Variants in PARD3B observed in about 807,000 individuals in gnomAD.
The protein encoded by PARD3B is par-3 family cell polarity regulator beta.
A neutral mutation model predicts 130.2 loss-of-function variants in PARD3B; 103 were observed. The ratio of observed to expected loss-of-function variants is 0.79; its 90% CI spans 0.67 to 0.93. PARD3B has a LOEUF of 0.93. PARD3B is among the 40% of genes least tolerant of loss of function. The pLI is 0.00. For missense variants in PARD3B, 1,609 were observed against 1,499.2 expected, an observed-to-expected ratio of 1.07 and a Z score of -1.21; for synonymous variants, 583 against 553.2, an observed-to-expected ratio of 1.05 and a Z score of -0.76.
intron 19 of PARD3B, among the ~76,000 whole-genome samples, chr2:205,439,262 T>C (rs1378856549): frequency 6.6e-6 from 1 of 152,132 alleles, no homozygotes; most frequent in Non-Finnish European, 1.5e-5. Context: ...CCCACAGCCC[T>C]CTTATATTCT....
intron 1 of PARD3B, among the ~76,000 whole-genome samples, chr2:204,657,069 T>A (rs2035661936): frequency 6.6e-6 from 1 of 152,174 alleles, no homozygotes; most frequent in Admixed American, 6.5e-5. Context: ...TATTAGACTT[T>A]GAAGAGTTCT....
intron 3 of PARD3B, among the ~76,000 whole-genome samples, chr2:204,985,821 C>T (rs2125224683): frequency 6.6e-6 from 1 of 152,242 alleles, no homozygotes; most frequent in African/African-American, 2.4e-5. Context: ...AAAGGCTTAG[C>T]TAGGCGTGGT....
chr2:205,603,652 T>G (rs1469369158), intron 22 of PARD3B, among the ~76,000 whole-genome samples: 2 of 152,216 alleles, frequency 1.3e-5, no homozygotes, highest in Non-Finnish European at 2.9e-5. Flanking sequence ...GTCTGTTTTG[T>G]CAGAAACCAG....
intron 18 of PARD3B, among the ~76,000 whole-genome samples, chr2:205,372,348 A>G (rs2044855588): frequency 6.6e-6 from 1 of 152,140 alleles, no homozygotes; most frequent in African/African-American, 2.4e-5. Context: ...TATTATAGCA[A>G]TCTTAGTAGT....
intron 20 of PARD3B, among the ~76,000 whole-genome samples, chr2:205,486,931 A>G (rs565470173): frequency 6.6e-6 from 1 of 152,332 alleles, no homozygotes; most frequent in Non-Finnish European, 1.5e-5. Flanking sequence ...CGTAAAAGGA[A>G]TGAAAAGAAT....
chr2:205,170,482 C>T (rs1258222275), intron 11 of PARD3B, among the ~76,000 whole-genome samples: 4 of 152,160 alleles, frequency 2.6e-5, no homozygotes, highest in Non-Finnish European at 4.4e-5. Context: ...TCCCATTACC[C>T]TGCCATCTCC....
At chr2:204,577,055 G>T (rs1287616452) in intron 1 of PARD3B, among the ~76,000 whole-genome samples, 1 of 151,958 alleles carries the variant, frequency 6.6e-6, no homozygotes, top group Non-Finnish European at 1.5e-5. Context: ...GGGATAGTTG[G>T]GTTTCGTAAA....
At chr2:205,479,423 A>G (rs756263376) in intron 20 of PARD3B, among the ~76,000 whole-genome samples, 1 of 152,226 alleles carries the variant, frequency 6.6e-6, no homozygotes, top group Admixed American at 6.5e-5. Context: ...GGACTAGACA[A>G]AGACTCAAAA....
At chr2:204,825,293 G>A (rs978510215) in intron 2 of PARD3B, among the ~76,000 whole-genome samples, 1 of 152,178 alleles carries the variant, frequency 6.6e-6, no homozygotes, top group African/African-American at 2.4e-5. Context: ...CCCAGGGAGA[G>A]TTCAGGATCT....
At chr2:205,430,377 A>C (rs937096068) in intron 19 of PARD3B, among the ~76,000 whole-genome samples, 6 of 152,184 alleles carry the variant, frequency 3.9e-5, no homozygotes, top group African/African-American at 1.4e-4. Context: ...AAAATGTTGA[A>C]TCTAACTAAG....
chr2:205,246,636 G>C (rs546609308), intron 16 of PARD3B, among the ~76,000 whole-genome samples: 1 of 152,060 alleles, frequency 6.6e-6, no homozygotes, highest in East Asian at 1.9e-4. Flanking sequence ...TCCCTCCATT[G>C]GTGAAACAAA....
At chr2:204,553,660 A>G (rs987560166) in intron 1 of PARD3B, among the ~76,000 whole-genome samples, 4 of 11,892 alleles carry the variant, frequency 3.4e-4, no homozygotes, top group African/African-American at 4.4e-4. Context: ...CCATATATAT[A>G]TATATATATA....
intron 19 of PARD3B, among the ~76,000 whole-genome samples, chr2:205,422,371 A>C (rs1378454714): frequency 6.6e-6 from 1 of 152,200 alleles, no homozygotes; most frequent in Admixed American, 6.5e-5. Context: ...AAAGGAAGAC[A>C]TGAAAGTGTT....
intron 18 of PARD3B, among the ~76,000 whole-genome samples, chr2:205,377,837 C>A (rs1212015945): frequency 7.2e-6 from 1 of 139,076 alleles, no homozygotes; most frequent in Non-Finnish European, 1.5e-5. Flanking sequence ...ATGGTGAGGT[C>A]TTGGCTCACT....
chr2:205,346,387 C>G (rs1004098776), intron 18 of PARD3B, among the ~76,000 whole-genome samples: 1 of 151,754 alleles, frequency 6.6e-6, no homozygotes, highest in Non-Finnish European at 1.5e-5. Context: ...AGCTGAGGCT[C>G]AGGTGTTATT....
Position 205,142,219 on chromosome 2 carries a change from C to T in PARD3B, c.1434+16482C>T, listed in dbSNP as rs2033017777. On this transcript the variant is annotated intron_variant, in intron 10 of 22. Coordinates refer to ENST00000406610, the MANE Select transcript of PARD3B (RefSeq NM_001302769.2). This position sits in a 1 kb window ranked among gnomAD's most constrained non-coding sequence, Gnocchi z 4.3. The stretch of plus-strand genomic sequence containing the variant: ...AAGAGTTTGCTAGTGGGTGGCAAAG[C>T]AGGGTAAAGAGAGAGCATAAGTTTT... Among the ~76,000 whole-genome samples, 1 of 151,992 alleles carries T rather than the reference C, an allele frequency of 6.6e-6. No individual in the cohort carries two copies. The highest frequency in any genetic ancestry group is 2.4e-5 in the African/African-American group (1 of 41,366).
In PARD3B at chr2:205,341,807, T is replaced by C. The variant is rs2043541333; in HGVS notation, c.2630+40106T>C. On this transcript the variant is annotated intron_variant, in intron 18 of 22. Transcript: ENST00000406610. This position sits in a 1 kb window ranked among gnomAD's most constrained non-coding sequence, Gnocchi z 4.3. ...ACCCTGATTTTGTCATTATACATTA[T>C]ATGTGCATATTAAAATATCACTCTG... Among the ~76,000 whole-genome samples the C allele has an allele frequency of 6.6e-6, 1 of 152,156 alleles. No homozygotes were observed. The highest frequency in any genetic ancestry group is 2.1e-4 in the South Asian group (1 of 4,832).
chr2:205,068,295 C>G (rs1331620027), intron 4 of PARD3B, among the ~76,000 whole-genome samples: 1 of 151,656 alleles, frequency 6.6e-6, no homozygotes, highest in Non-Finnish European at 1.5e-5. Flanking sequence ...AATGTATTGT[C>G]ATAGTCTTAA....
At chr2:205,220,353 G>C (rs1018551668) in intron 15 of PARD3B, among the ~76,000 whole-genome samples, 1 of 152,044 alleles carries the variant, frequency 6.6e-6, no homozygotes, top group Non-Finnish European at 1.5e-5. Context: ...AAGATCTTAG[G>C]GTTCCTCATT....
Sources: gnomAD v4.1 joint callset for allele counts (sites outside exome capture counted in the v4.1 genomes callset) on GRCh38, gnomAD v4.1.1 for gene constraint, Gnocchi (gnomAD v3.1) non-coding constraint, MANE v1.5 for transcripts, NCBI Gene and HGNC (gene_info 2026-07-23, HGNC 2026-07-21) for gene names.